Variants in CGNL1 observed in about 807,000 individuals in gnomAD.
CGNL1 encodes the protein cingulin-like protein 1.
In CGNL1, 132 loss-of-function variants were observed where a neutral mutation model predicts 141.2. That is an observed-to-expected ratio of 0.93 (90% CI 0.81 to 1.08). The LOEUF is 1.08. CGNL1 is among the 50% of genes least tolerant of loss of function. The probability of loss-of-function intolerance (pLI) is 0.00; values close to 1 mark genes in which losing one functional copy is unlikely to be tolerated. For synonymous variants in CGNL1, 690 were observed against 622.1 expected, an observed-to-expected ratio of 1.11 and a Z score of -1.63; for missense variants, 1,870 against 1,588.6, an observed-to-expected ratio of 1.18 and a Z score of -3.01.
chr15:57,485,969 G>A (rs1193441972), intron 8 of CGNL1, among the ~76,000 whole-genome samples: 4 of 152,164 alleles, frequency 2.6e-5, no homozygotes, highest in African/African-American at 4.8e-5. Context: ...GAAATTCAAA[G>A]GTCTGCCAAG....
intron 7 of CGNL1, among the ~76,000 whole-genome samples, chr15:57,461,350 C>T (rs2063443697): frequency 6.6e-6 from 1 of 152,100 alleles, no homozygotes; most frequent in South Asian, 2.1e-4. Context: ...AGAGCAAGGG[C>T]AACAGATCAC....
chr15:57,524,664 G>A lies in CGNL1; in HGVS notation c.2952G>A (p.Arg984=). ...QLDEYKEKNR[R]ELAEMQRQLK... Reference sequence around the variant, plus strand: ...ATGAGTATAAGGAGAAAAACCGCAGGGAGCTCGCAGAAATGCAAAGACAGT... The same window carrying A: ...ATGAGTATAAGGAGAAAAACCGCAGAGAGCTCGCAGAAATGCAAAGACAGT... Residue 984 remains arginine (R), a synonymous_variant, in exon 12 of 19, where the codon AGG becomes AGA. Transcript: ENST00000281282. 6.2e-7 allele frequency: 1 copy of A among 1,614,204 alleles called. No homozygotes were observed. Among genetic ancestry groups the A allele is most frequent in the Admixed American group, 1.7e-5 (1 of 60,022 alleles).
intron 1 of CGNL1, among the ~76,000 whole-genome samples, chr15:57,408,605 C>T (rs1259814934): frequency 6.6e-6 from 1 of 152,110 alleles, no homozygotes; most frequent in African/African-American, 2.4e-5. Context: ...CTCCTGGCCT[C>T]AAGCAGTCCT....
intron 1 of CGNL1, among the ~76,000 whole-genome samples, chr15:57,411,019 GT>G (rs2062780667): frequency 1.3e-5 from 2 of 151,956 alleles, no homozygotes; most frequent in African/African-American, 4.8e-5. Context: ...CAAAGACCAA[GT>G]TTTTTAAAAA....
chr15:57,441,132 C>A (rs2152310021), intron 3 of CGNL1, among the ~76,000 whole-genome samples: 1 of 151,064 alleles, frequency 6.6e-6, no homozygotes, highest in South Asian at 2.1e-4. Flanking sequence ...CTTGGCAAAT[C>A]CTCATTGGTA....
At chr15:57,439,723 C>A in intron 2 of CGNL1, 122 bp downstream of exon 2, 4 of 979,944 alleles carry the variant, frequency 4.1e-6, no homozygotes, top group Non-Finnish European at 6.0e-6. Context: ...AGGAATCACA[C>A]AGCTGATCTG....
intron 8 of CGNL1, 68 bp downstream of exon 8, chr15:57,461,960 A>G (rs2063453275): frequency 8.8e-7 from 1 of 1,134,654 alleles, no homozygotes; most frequent in Admixed American, 1.8e-5. Context: ...CTCCCACACC[A>G]CTGCAAATCC....
At chr15:57,411,817 A>G (rs2062791635) in intron 1 of CGNL1, among the ~76,000 whole-genome samples, 1 of 151,478 alleles carries the variant, frequency 6.6e-6, no homozygotes, top group Non-Finnish European at 1.5e-5. Flanking sequence ...CCTTTGGCTC[A>G]GCTGCTGTAT....
At chr15:57,397,316 T>G (rs2062613564) in intron 1 of CGNL1, among the ~76,000 whole-genome samples, 1 of 152,142 alleles carries the variant, frequency 6.6e-6, no homozygotes, top group Non-Finnish European at 1.5e-5. Flanking sequence ...TTCTCCTTCA[T>G]CAGCCTGTGA....
intron 7 of CGNL1, among the ~76,000 whole-genome samples, chr15:57,460,181 C>A (rs186672259): frequency 9.9e-5 from 15 of 152,060 alleles, no homozygotes; most frequent in African/African-American, 3.4e-4. Context: ...GAAAGAAGGG[C>A]ATCTTAGAGA....
At chr15:57,393,110 T>C (rs915906338) in intron 1 of CGNL1, among the ~76,000 whole-genome samples, 1 of 152,234 alleles carries the variant, frequency 6.6e-6, no homozygotes, top group African/African-American at 2.4e-5. Context: ...AGTACTACCC[T>C]TACATTGTGC....
intron 1 of CGNL1, among the ~76,000 whole-genome samples, chr15:57,435,138 A>G (rs1223642988): frequency 1.3e-5 from 2 of 152,202 alleles, no homozygotes; most frequent in Non-Finnish European, 2.9e-5. Flanking sequence ...GTAAAACAGT[A>G]ATCGATCATT....
intron 12 of CGNL1, among the ~76,000 whole-genome samples, chr15:57,526,163 G>C (rs2031598011): frequency 6.8e-6 from 1 of 148,088 alleles, no homozygotes; most frequent in African/African-American, 2.5e-5. Context: ...GTTTATAAAA[G>C]AGCAGTCCTT....
chr15:57,466,128 G>C (rs962301580), intron 8 of CGNL1, among the ~76,000 whole-genome samples: 1 of 152,190 alleles, frequency 6.6e-6, no homozygotes, highest in Non-Finnish European at 1.5e-5. Context: ...ATGGATCTTC[G>C]TAGTCTGTTA....
At chr15:57,428,543 T>A (rs1465282737) in intron 1 of CGNL1, among the ~76,000 whole-genome samples, 1 of 152,126 alleles carries the variant, frequency 6.6e-6, no homozygotes, top group Non-Finnish European at 1.5e-5. Context: ...ACAAAACTAA[T>A]CTACCAGAGA....
At chr15:57,434,548 C>G (rs1242212274) in intron 1 of CGNL1, among the ~76,000 whole-genome samples, 2 of 152,258 alleles carry the variant, frequency 1.3e-5, no homozygotes, top group East Asian at 3.9e-4. Context: ...AAAGAGTCCA[C>G]TTTCCCCAAT....
At chr15:57,513,475 A>G (rs2030514990) in intron 8 of CGNL1, among the ~76,000 whole-genome samples, 1 of 152,138 alleles carries the variant, frequency 6.6e-6, no homozygotes, top group Non-Finnish European at 1.5e-5. Context: ...GATACTGTGA[A>G]TAATGCTGCT....
At chr15:57,401,773 C>G (rs1438607251) in intron 1 of CGNL1, among the ~76,000 whole-genome samples, 1 of 152,130 alleles carries the variant, frequency 6.6e-6, no homozygotes, top group Non-Finnish European at 1.5e-5. Flanking sequence ...TCTTTATATT[C>G]TCCTCTTCTT....
chr15:57,379,888 G>A (rs937687143), intron 1 of CGNL1, among the ~76,000 whole-genome samples: 1 of 152,096 alleles, frequency 6.6e-6, no homozygotes. Flanking sequence ...GACCTTTACC[G>A]AGGAGGGAAG....
Sources: allele counts gnomAD v4.1 joint callset (sites outside exome capture counted in the v4.1 genomes callset), GRCh38; gene constraint gnomAD v4.1.1; transcripts MANE v1.5; gene names NCBI Gene and HGNC (gene_info 2026-07-23, HGNC 2026-07-21).